The following ACAT2 variants were observed in gnomAD, a reference collection of about 807,000 sequenced individuals.
The protein encoded by ACAT2 is acetyl-CoA acetyltransferase, cytosolic.
Under a neutral mutation model 37.1 loss-of-function variants are expected in ACAT2, and 26 were observed. The ratio of observed to expected loss-of-function variants is 0.70; its 90% CI spans 0.51 to 0.97. The LOEUF (loss-of-function observed/expected upper bound fraction) is 0.97. Ranked by LOEUF, ACAT2 falls within the 50% of genes least tolerant of loss-of-function variation. The pLI is 0.00. For missense variants in ACAT2, 468 were observed against 489.0 expected (o/e 0.96, Z 0.40); for synonymous variants, 156 against 163.6 (o/e 0.95, Z 0.35).
intron 2 of ACAT2, 66 bp downstream of exon 2, chr6:159,763,119 C>T: frequency 6.5e-7 from 1 of 1,534,362 alleles, no homozygotes. Context: ...CACACACACA[C>T]ACACACTCTC....
chr6:159,773,200 G>T (rs1379906777), intron 4 of ACAT2, among the ~76,000 whole-genome samples: 2 of 152,168 alleles, frequency 1.3e-5, no homozygotes, highest in African/African-American at 4.8e-5. Flanking sequence ...AAAGGGAGAA[G>T]AATGTAGCTT....
At chr6:159,772,204 G>A (rs1780348712) in intron 4 of ACAT2, among the ~76,000 whole-genome samples, 1 of 151,974 alleles carries the variant, frequency 6.6e-6, no homozygotes, top group Admixed American at 6.6e-5. Flanking sequence ...TCCAGCCTGG[G>A]CAACAAGAAT....
At chr6:159,763,957 C>T (rs1357760935) in intron 2 of ACAT2, among the ~76,000 whole-genome samples, 4 of 151,434 alleles carry the variant, frequency 2.6e-5, no homozygotes, top group South Asian at 4.2e-4. Context: ...AAAAATTAGC[C>T]GGGTGTGGTG....
intron 3 of ACAT2, 80 bp from the exon 4 acceptor site, chr6:159,768,431 A>G (rs984073308): frequency 1.8e-5 from 19 of 1,043,480 alleles, no homozygotes; most frequent in Middle Eastern, 4.1e-4. Context: ...CTTAGGAAAT[A>G]CTAGATAGTT....
At chr6:159,763,203 T>G in intron 2 of ACAT2, 150 bp downstream of exon 2, 1 of 1,080,602 alleles carries the variant, frequency 9.3e-7, no homozygotes. Flanking sequence ...TCTGTTATGA[T>G]TCCTCCTGTT....
In ACAT2 at chr6:159,776,246, G is replaced by C. The variant is rs368091007; in HGVS notation, c.731G>C (p.Gly244Ala). Residue 244 changes from glycine (G) to alanine (A), a missense_variant, in exon 6 of 9, where the codon GGA becomes GCA. Transcript: ENST00000367048. ...CCTTACTTTCTTACTGATGGAACGG[G>C]AACAGTCACCCCAGCCAATGCTTCA... ...LKPYFLTDGT[G>A]TVTPANASGI... is the part of the protein sequence containing the mutation. 1.2e-6 allele frequency: 2 copies of C among 1,614,080 alleles called. No individual in the cohort carries two copies. Among genetic ancestry groups the C allele is most frequent in the South Asian group, 1.1e-5 (1 of 91,070 alleles).
chr6:159,778,372 ATAGT>A (rs1296345285), intron 8 of ACAT2, 92 bp downstream of exon 8: 2 of 806,904 alleles, frequency 2.5e-6, no homozygotes, highest in Non-Finnish European at 3.7e-6. Context: ...CATGTGGGTA[ATAGT>A]TAAAGAAATA....
chr6:159,774,084 C>T (rs1172995841), intron 4 of ACAT2, among the ~76,000 whole-genome samples: 1 of 152,202 alleles, frequency 6.6e-6, no homozygotes, highest in African/African-American at 2.4e-5. Context: ...GATAACATCA[C>T]CTGGGATAAA....
At chr6:159,774,618 A>G (rs917909318) in intron 4 of ACAT2, among the ~76,000 whole-genome samples, 2 of 151,912 alleles carry the variant, frequency 1.3e-5, no homozygotes, top group African/African-American at 4.8e-5. Context: ...GGCTAAATTT[A>G]TTTTTAATGG....
intron 1 of ACAT2, chr6:159,762,714 G>A (rs768048368): frequency 8.7e-5 from 133 of 1,526,680 alleles, no homozygotes; most frequent in Non-Finnish European, 1.1e-4. Context: ...TCTGGAGGTC[G>A]CCTGTCCAGC....
intron 8 of ACAT2, 142 bp downstream of exon 8, chr6:159,778,422 TTTA>T (rs1328216592): frequency 0.052 from 22,518 of 429,670 alleles, 697 homozygotes; most frequent in African/African-American, 0.11. Context: ...CTTCCCAAGG[TTTA>T]AAAAAAAAAA....
Position 159,767,769 on chromosome 6 carries a change from T to G in ACAT2, c.372+583T>G, listed in dbSNP as rs992246302. On this transcript the variant is annotated intron_variant, in intron 3 of 8. Transcript: ENST00000367048. Reference sequence around the variant, plus strand: ...GGGGCTGAGGTGCAGATTCCCTAGATAGAAGCTGATTCAGCCCAGCCATTG... The same window carrying G: ...GGGGCTGAGGTGCAGATTCCCTAGAGAGAAGCTGATTCAGCCCAGCCATTG... Among the ~76,000 whole-genome samples the G allele has an allele frequency of 2.0e-5, 3 of 152,282 alleles. No homozygotes were observed. In the East Asian group the frequency reaches 5.8e-4, roughly 29 times the overall value.
chr6:159,770,158 C>G (rs1780313239), intron 4 of ACAT2, among the ~76,000 whole-genome samples: 2 of 152,184 alleles, frequency 1.3e-5, no homozygotes, highest in Admixed American at 6.5e-5. Context: ...AGTATTTTGA[C>G]TGCTTGTGGA....
chr6:159,766,890 C>A, intron 2 of ACAT2, 115 bp from the exon 3 acceptor site: 1 of 1,291,246 alleles, frequency 7.7e-7, no homozygotes, highest in Non-Finnish European at 1.1e-6. Context: ...ACTTACTTGA[C>A]CTGTAGGCTT....
chr6:159,765,372 TC>T (rs1193306500), intron 2 of ACAT2, among the ~76,000 whole-genome samples: 1 of 151,742 alleles, frequency 6.6e-6, no homozygotes, highest in Non-Finnish European at 1.5e-5. Context: ...CGCCTCGGCC[TC>T]CCAAAGTGCT....
Position 159,778,900 on chromosome 6 carries a change from C to CA in ACAT2, c.*72dup, listed in dbSNP as rs1324051674. On this transcript the variant is annotated 3_prime_UTR_variant, in exon 9 of 9. Coordinates refer to ENST00000367048, the MANE Select transcript of ACAT2 (RefSeq NM_005891.3). ...AGTACTAGGTTGCAATATGTGAAAT[C>CA]AGAGGACCAAAGTACAGATGGAAAC... The CA allele has an allele frequency of 9.4e-6, 15 of 1,597,578 alleles. No homozygotes were observed. In the East Asian group the frequency reaches 2.9e-4, roughly 31 times the overall value.
At chr6:159,762,741 T>C (rs1358488206) in intron 1 of ACAT2, 178 bp from the exon 2 acceptor site, 1 of 1,561,288 alleles carries the variant, frequency 6.4e-7, no homozygotes, top group African/African-American at 1.3e-5. Flanking sequence ...CTGCTGCGAG[T>C]TGTGGCACCC....
intron 7 of ACAT2, 50 bp downstream of exon 7, chr6:159,777,506 T>A: frequency 1.3e-6 from 2 of 1,551,066 alleles, no homozygotes; most frequent in South Asian, 1.2e-5. Flanking sequence ...CTGTTAGCCT[T>A]AAGTGAGCTT....
At chr6:159,765,682 TCCC>T (rs879589232) in intron 2 of ACAT2, among the ~76,000 whole-genome samples, 24 of 9,070 alleles carry the variant, frequency 2.6e-3, no homozygotes, top group Admixed American at 8.1e-3. Context: ...TGCGCCCCCC[TCCC>T]CCGGCCTCCC....
Sources: gnomAD v4.1 joint callset for allele counts (sites outside exome capture counted in the v4.1 genomes callset) on GRCh38, gnomAD v4.1.1 for gene constraint, MANE v1.5 for transcripts, NCBI Gene and HGNC (gene_info 2026-07-23, HGNC 2026-07-21) for gene names.